CADM2: variants seen among roughly 807,000 people sequenced by gnomAD.
The protein encoded by CADM2 is cell adhesion molecule 2.
CADM2 carries 12 observed loss-of-function variants against 49.8 expected under a neutral mutation model. The observed-to-expected ratio is 0.24, with a 90% confidence interval of 0.15 to 0.39. The LOEUF is 0.39. Among genes scored for constraint, CADM2 ranks in the 10% least tolerant of loss-of-function variants. The pLI is 1.00. For synonymous variants in CADM2, 214 were observed against 175.4 expected (o/e 1.22, Z -1.74); for missense variants, 378 against 492.3 (o/e 0.77, Z 2.20).
At chr3:85,489,372 A>G (rs1217561759) in intron 1 of CADM2, among the ~76,000 whole-genome samples, 1 of 152,190 alleles carries the variant, frequency 6.6e-6, no homozygotes, top group African/African-American at 2.4e-5. Flanking sequence ...TTAGACTGAT[A>G]TACTGATAAC....
intron 1 of CADM2, among the ~76,000 whole-genome samples, chr3:85,613,733 G>T (rs2063733613): frequency 6.6e-6 from 1 of 151,636 alleles, no homozygotes; most frequent in East Asian, 1.9e-4. Flanking sequence ...GTGACTATAA[G>T]AAGAAAATTT....
intron 1 of CADM2, among the ~76,000 whole-genome samples, chr3:85,664,990 A>G (rs2065522703): frequency 6.6e-6 from 1 of 152,092 alleles, no homozygotes; most frequent in African/African-American, 2.4e-5. Context: ...TGAGATAAAG[A>G]ATTTTTGTCT....
At chr3:85,141,580 A>T (rs1333033849) in intron 1 of CADM2, among the ~76,000 whole-genome samples, 1 of 152,212 alleles carries the variant, frequency 6.6e-6, no homozygotes, top group Non-Finnish European at 1.5e-5. Context: ...TGTGTCAAAC[A>T]TAACAATATG....
intron 1 of CADM2, among the ~76,000 whole-genome samples, chr3:85,590,184 G>A (rs189763114): frequency 6.6e-6 from 1 of 152,034 alleles, no homozygotes; most frequent in African/African-American, 2.4e-5. Context: ...AACAAATAGA[G>A]CCAAGCAGAA....
At chr3:85,467,235 A>G (rs1184511894) in intron 1 of CADM2, among the ~76,000 whole-genome samples, 1 of 152,174 alleles carries the variant, frequency 6.6e-6, no homozygotes, top group African/African-American at 2.4e-5. Flanking sequence ...AGGTGACATA[A>G]CTTGTCATTT....
intron 1 of CADM2, among the ~76,000 whole-genome samples, chr3:84,979,466 A>G (rs2032030611): frequency 1.3e-5 from 2 of 152,122 alleles, no homozygotes; most frequent in Non-Finnish European, 2.9e-5. Context: ...GACTTTTTAC[A>G]TTATTCTCTA....
At chr3:85,999,271 T>TGGGGG (rs1296304438) in intron 8 of CADM2, among the ~76,000 whole-genome samples, 12 of 143,226 alleles carry the variant, frequency 8.4e-5, no homozygotes, top group African/African-American at 3.2e-4. Context: ...GGCCGAGGGT[T>TGGGGG]GGGGGGTGGA....
At chr3:85,609,731 C>A (rs2063627884) in intron 1 of CADM2, among the ~76,000 whole-genome samples, 2 of 152,006 alleles carry the variant, frequency 1.3e-5, no homozygotes, top group South Asian at 2.1e-4. Context: ...TCTACACAGC[C>A]AAGGTGTTGT....
intron 1 of CADM2, among the ~76,000 whole-genome samples, chr3:85,461,333 TATG>T (rs2038235247): frequency 6.6e-6 from 1 of 152,098 alleles, no homozygotes; most frequent in African/African-American, 2.4e-5. Context: ...GACAAGCAGA[TATG>T]ATATTAGGAG....
At chr3:85,757,775 T>C (rs1403471690) in intron 2 of CADM2, among the ~76,000 whole-genome samples, 1 of 152,036 alleles carries the variant, frequency 6.6e-6, no homozygotes, top group South Asian at 2.1e-4. Context: ...TGAGAGATGA[T>C]TGAGATACTA....
At chr3:86,065,842 G>A in intron 9 of CADM2, 112 bp downstream of exon 9, 2 of 994,038 alleles carry the variant, frequency 2.0e-6, no homozygotes, top group Non-Finnish European at 2.8e-6. Context: ...AGAATAGGGA[G>A]ATAGAGAGAA....
intron 1 of CADM2, among the ~76,000 whole-genome samples, chr3:85,658,451 A>G (rs1158437437): frequency 2.0e-5 from 3 of 151,510 alleles, no homozygotes; most frequent in African/African-American, 7.3e-5. Context: ...AGTCTGTACT[A>G]CTTTGTTATG....
chr3:85,270,756 T>C lies in CADM2; in HGVS notation c.61+311088T>C, dbSNP rs369209166. On this transcript the variant is annotated intron_variant, in intron 1 of 9. Coordinates refer to ENST00000383699, the MANE Select transcript of CADM2 (RefSeq NM_001167675.2). ...AGCTCACTATTAAGTAGAACACTTA[T>C]GTGCCACTCATTCCACACATATCTA... Among the ~76,000 whole-genome samples the C allele has an allele frequency of 1.8e-3, 270 of 151,456 alleles. 1 individual carries two copies. Among genetic ancestry groups the C allele is most frequent in the African/African-American group, 6.3e-3 (260 of 41,462 alleles).
At chr3:85,723,636 C>G (rs2067586842) in intron 1 of CADM2, among the ~76,000 whole-genome samples, 1 of 152,042 alleles carries the variant, frequency 6.6e-6, no homozygotes, top group Admixed American at 6.6e-5. Context: ...TATGTTGGTA[C>G]CTGCCCAACA....
At chr3:85,193,324 GTCTA>G (rs1286665630) in intron 1 of CADM2, among the ~76,000 whole-genome samples, 5 of 151,292 alleles carry the variant, frequency 3.3e-5, no homozygotes, top group Non-Finnish European at 7.4e-5. Context: ...ACTTTAAGGA[GTCTA>G]TCTAAAAAAT....
chr3:85,800,342 T>G (rs914174782), intron 2 of CADM2: 2 of 152,346 alleles, frequency 1.3e-5, no homozygotes, highest in Non-Finnish European at 2.9e-5. Flanking sequence ...TGGGATCCAC[T>G]GAGAAGACCT....
intron 1 of CADM2, among the ~76,000 whole-genome samples, chr3:85,293,891 C>T (rs1342601014): frequency 1.3e-5 from 2 of 151,750 alleles, no homozygotes; most frequent in East Asian, 3.9e-4. Context: ...GACAGGGATG[C>T]CCTCCCTCAC....
At chr3:85,300,199 A>G (rs1025583305) in intron 1 of CADM2, among the ~76,000 whole-genome samples, 15 of 152,064 alleles carry the variant, frequency 9.9e-5, no homozygotes, top group African/African-American at 3.6e-4. Context: ...CTGAGGCACT[A>G]TGCCAGTGGT....
At chr3:85,370,346 C>A (rs1012150360) in intron 1 of CADM2, among the ~76,000 whole-genome samples, 5 of 151,530 alleles carry the variant, frequency 3.3e-5, no homozygotes, top group African/African-American at 1.2e-4. Context: ...TGCTTGACCG[C>A]GGGAGGGGGA....
Sources: allele counts gnomAD v4.1 joint callset (sites outside exome capture counted in the v4.1 genomes callset), GRCh38; gene constraint gnomAD v4.1.1; transcripts MANE v1.5; gene names NCBI Gene and HGNC (gene_info 2026-07-23, HGNC 2026-07-21).